CACNA2D3: variants seen among roughly 807,000 people sequenced by gnomAD.
CACNA2D3 encodes the protein voltage-dependent calcium channel subunit alpha-2/delta-3.
A neutral mutation model predicts 160.6 loss-of-function variants in CACNA2D3; 60 were observed. The ratio of observed to expected loss-of-function variants is 0.37; its 90% CI spans 0.30 to 0.46. The LOEUF is 0.46. Among genes scored for constraint, CACNA2D3 ranks in the 20% least tolerant of loss-of-function variants. The pLI is 1.00. For synonymous variants in CACNA2D3, 558 were observed against 492.9 expected (o/e 1.13, Z -1.75); for missense variants, 1,205 against 1,365.0 (o/e 0.88, Z 1.85).
intron 2 of CACNA2D3, among the ~76,000 whole-genome samples, chr3:54,170,997 C>T (rs752707684): frequency 6.6e-6 from 1 of 151,984 alleles, no homozygotes; most frequent in Admixed American, 6.6e-5. Context: ...GGGGCCTGAC[C>T]GTCCGACTCA....
chr3:54,141,061 CTGTG>C lies in CACNA2D3; in HGVS notation c.204+17490_204+17493del, dbSNP rs55833247. ...ACACTGTCTGATCTGCAGGTGAAACCTGTGTGTGTGTGTGTGTGTGTGTGTGCGC... is the reference window on the plus strand; with the variant it reads ...ACACTGTCTGATCTGCAGGTGAAACCTGTGTGTGTGTGTGTGTGTGTGCGC... On this transcript the variant is annotated intron_variant, in intron 2 of 37. Coordinates refer to ENST00000474759, the MANE Select transcript of CACNA2D3 (RefSeq NM_018398.3). Among the ~76,000 whole-genome samples, 37 of 129,544 alleles carry C rather than the reference CTGTG, an allele frequency of 2.9e-4. 1 individual carries two copies. Among genetic ancestry groups the C allele is most frequent in the South Asian group, 1.4e-3 (5 of 3,554 alleles). 85.0% of individuals were successfully genotyped at this position (129,544 alleles called of 152,430 possible).
chr3:54,208,299 G>A (rs1209401812), intron 2 of CACNA2D3, among the ~76,000 whole-genome samples: 1 of 152,046 alleles, frequency 6.6e-6, no homozygotes, highest in Non-Finnish European at 1.5e-5. Context: ...GGAGAGATGA[G>A]GTTTTACCAT....
chr3:54,623,704 G>A lies in CACNA2D3; in HGVS notation c.964-4083G>A, dbSNP rs1446603586. On this transcript the variant is annotated intron_variant, in intron 9 of 37. Coordinates refer to ENST00000474759, the MANE Select transcript of CACNA2D3 (RefSeq NM_018398.3). ...TTGCACTTCCTGCAATGATGGCGAT[G>A]TTCATTAATTGGCAGTGTCCAGTGC... Among the ~76,000 whole-genome samples the A allele has an allele frequency of 5.8e-4, 88 of 152,142 alleles. 1 individual carries two copies. The highest frequency in any genetic ancestry group is 1.6e-4 in the Non-Finnish European group (11 of 68,018).
At chr3:54,422,108 G>T (rs573963721) in intron 4 of CACNA2D3, among the ~76,000 whole-genome samples, 1 of 152,340 alleles carries the variant, frequency 6.6e-6, no homozygotes, top group African/African-American at 2.4e-5. Context: ...GGGTTCACTG[G>T]TTGGAGAAAA....
chr3:54,803,530 A>G (rs555641072), intron 13 of CACNA2D3, among the ~76,000 whole-genome samples: 1 of 152,322 alleles, frequency 6.6e-6, no homozygotes, highest in Non-Finnish European at 1.5e-5. Context: ...AAACGAACAA[A>G]GCCTCCAAGA....
intron 2 of CACNA2D3, among the ~76,000 whole-genome samples, chr3:54,246,017 A>G (rs1438365101): frequency 6.6e-6 from 1 of 152,190 alleles, no homozygotes; most frequent in Non-Finnish European, 1.5e-5. Context: ...GCTATTACAT[A>G]CTATACTCTC....
intron 27 of CACNA2D3, among the ~76,000 whole-genome samples, chr3:54,921,883 A>G (rs1287225040): frequency 1.3e-5 from 2 of 150,420 alleles, no homozygotes; most frequent in African/African-American, 2.4e-5. Flanking sequence ...CTGCCCTAAT[A>G]CCTGTAGTGT....
chr3:54,792,920 G>T (rs572828505), intron 13 of CACNA2D3, among the ~76,000 whole-genome samples: 1 of 152,284 alleles, frequency 6.6e-6, no homozygotes, highest in East Asian at 1.9e-4. Context: ...AAATGCTGTT[G>T]CCAAAAGGAG....
intron 24 of CACNA2D3, among the ~76,000 whole-genome samples, chr3:54,888,325 G>A (rs1323689911): frequency 1.3e-5 from 2 of 152,182 alleles, no homozygotes; most frequent in African/African-American, 4.8e-5. Flanking sequence ...GAGGGAGGCG[G>A]AAGGGAACTT....
At chr3:54,664,832 G>A (rs1032477978) in intron 11 of CACNA2D3, among the ~76,000 whole-genome samples, 5 of 152,306 alleles carry the variant, frequency 3.3e-5, no homozygotes, top group Admixed American at 1.3e-4. Context: ...GGGCAAACCC[G>A]TGGCTGGAGG....
At chr3:55,021,473 G>GT (rs1034292498) in intron 35 of CACNA2D3, among the ~76,000 whole-genome samples, 3 of 150,122 alleles carry the variant, frequency 2.0e-5, no homozygotes, top group Non-Finnish European at 4.4e-5. Context: ...AGTTTACATT[G>GT]TTTTTTTATT....
At chr3:54,794,754 C>T (rs889944068) in intron 13 of CACNA2D3, among the ~76,000 whole-genome samples, 12 of 151,832 alleles carry the variant, frequency 7.9e-5, no homozygotes, top group Admixed American at 5.3e-4. Context: ...TTCTTTTTGA[C>T]GGGAAGTCAC....
At chr3:54,794,250 G>A (rs180880082) in intron 13 of CACNA2D3, among the ~76,000 whole-genome samples, 2 of 152,094 alleles carry the variant, frequency 1.3e-5, no homozygotes, top group East Asian at 3.9e-4. Context: ...TTTCTTTTGA[G>A]TGATTGTTAA....
In CACNA2D3 at chr3:54,787,346, T is replaced by A. The variant is rs185363204; in HGVS notation, c.1380+22995T>A. 7.2e-3 allele frequency among the ~76,000 whole-genome samples: 1,101 copies of A among 152,298 alleles called. 15 individuals carry two copies. The highest frequency in any genetic ancestry group is 0.025 in the African/African-American group (1,042 of 41,562). Reference sequence around the variant, plus strand: ...AATTTAGATCACCGTTAGGATTTTTTAAAAAAATCTAAATCATGATGTATC... The same window carrying A: ...AATTTAGATCACCGTTAGGATTTTTAAAAAAAATCTAAATCATGATGTATC... On this transcript the variant is annotated intron_variant, in intron 13 of 37. Coordinates refer to ENST00000474759, the MANE Select transcript of CACNA2D3 (RefSeq NM_018398.3).
At position 54,871,224 on chromosome 3, in the gene CACNA2D3, C is replaced by CACAT. The variant is rs1491220764; in HGVS notation, c.1627-315_1627-314insACAT. On this transcript the variant is annotated intron_variant, in intron 17 of 37. Transcript: ENST00000474759. Reference sequence around the variant, plus strand: ...ACACACACACACACACACACACACACCCCCCATTCAAGGAGGGGACAGATT... The same window carrying CACAT: ...ACACACACACACACACACACACACACACATCCCCCATTCAAGGAGGGGACAGATT... 4.6e-4 allele frequency among the ~76,000 whole-genome samples: 50 copies of CACAT among 109,212 alleles called. 1 individual carries two copies. The highest frequency in any genetic ancestry group is 1.8e-3 in the African/African-American group (46 of 25,896). The allele number at this position is 109,212 out of a possible 152,430, so 71.6% of individuals were successfully genotyped here. A position where few individuals can be genotyped will look rare whatever the true frequency, so the allele number is the denominator to read the frequency against.
chr3:55,036,458 T>C (rs894165992), intron 35 of CACNA2D3, among the ~76,000 whole-genome samples: 2 of 151,584 alleles, frequency 1.3e-5, no homozygotes, highest in African/African-American at 4.8e-5. Flanking sequence ...ATTTATTTTA[T>C]TTTTTATTTT....
At chr3:55,023,817 T>C (rs2107167001) in intron 35 of CACNA2D3, among the ~76,000 whole-genome samples, 1 of 151,876 alleles carries the variant, frequency 6.6e-6, no homozygotes, top group African/African-American at 2.4e-5. Flanking sequence ...CAGCATGTAG[T>C]TTAGGCTTGA....
At chr3:54,940,659 T>TAAAAGGACC (rs1701442412) in intron 27 of CACNA2D3, among the ~76,000 whole-genome samples, 1 of 151,992 alleles carries the variant, frequency 6.6e-6, no homozygotes, top group African/African-American at 2.4e-5. Context: ...TGTGAATGCC[T>TAAAAGGACC]AAAAGGACCA....
Position 54,885,306 on chromosome 3 carries a change from T to A in CACNA2D3, c.1938T>A (p.Asp646Glu). The A allele has an allele frequency of 1.2e-6, 2 of 1,613,932 alleles. No homozygotes were observed. Among genetic ancestry groups the A allele is most frequent in the East Asian group, 4.5e-5 (2 of 44,878 alleles). ...GCCTGCATGACTTAGAACATCCCGA[T>A]GTGTCCTTGGCAGATGAATGGTAAG... is the stretch of plus-strand genomic sequence containing the variant. ...EEGLHDLEHP[D>E]VSLADEWSYC... Residue 646 changes from aspartate to glutamate, a missense_variant, in exon 22 of 38, where the codon GAT becomes GAA. This residue lies in a region of CACNA2D3 where 911 missense variants were observed against 1,002.2 expected (regional missense o/e 0.91). Coordinates refer to ENST00000474759, the MANE Select transcript of CACNA2D3 (RefSeq NM_018398.3).
Sources: allele counts gnomAD v4.1 joint callset (sites outside exome capture counted in the v4.1 genomes callset), GRCh38; gene constraint gnomAD v4.1.1; regional missense constraint gnomAD v4.1.1; transcripts MANE v1.5; gene names NCBI Gene and HGNC (gene_info 2026-07-23, HGNC 2026-07-21).